The following VGLL4 variants were observed in gnomAD, a reference collection of about 807,000 sequenced individuals.
VGLL4 encodes the protein vestigial like family member 4.
VGLL4 carries 7 observed loss-of-function variants against 21.0 expected under a neutral mutation model. The observed-to-expected ratio is 0.33, with a 90% CI of 0.19 to 0.63. The LOEUF is 0.63. VGLL4 is among the 20% of genes least tolerant of loss of function. The probability of loss-of-function intolerance (pLI) is 0.78; values close to 1 mark genes in which losing one functional copy is unlikely to be tolerated. For synonymous variants in VGLL4, 222 were observed against 173.2 expected (o/e 1.28, Z -2.21); for missense variants, 394 against 425.7 (o/e 0.93, Z 0.66).
chr3:11,704,224 T>TA (rs1333485368), intron 1 of VGLL4, among the ~76,000 whole-genome samples: 37 of 149,328 alleles, frequency 2.5e-4, no homozygotes, highest in African/African-American at 9.1e-4. Context: ...CTACTACAAA[T>TA]ACAAAAAAAT....
At chr3:11,714,148 C>T (rs1043685563) in intron 1 of VGLL4, among the ~76,000 whole-genome samples, 41 of 152,266 alleles carry the variant, frequency 2.7e-4, no homozygotes, top group African/African-American at 7.2e-4. Flanking sequence ...TCTATACAGG[C>T]TCTGGGCTGC....
chr3:11,704,400 A>G (rs1408672931), intron 1 of VGLL4, among the ~76,000 whole-genome samples: 1,507 of 148,102 alleles, frequency 0.01, 31 homozygotes, highest in African/African-American at 0.03. Flanking sequence ...AAAAAAAAAA[A>G]AAAAAGAAAA....
chr3:11,710,272 A>G (rs1416512096), intron 1 of VGLL4, among the ~76,000 whole-genome samples: 1 of 152,232 alleles, frequency 6.6e-6, no homozygotes, highest in Non-Finnish European at 1.5e-5. Flanking sequence ...ACTTGGGAAC[A>G]GCACTGTGGG....
Position 11,558,392 on chromosome 3 carries a change from A to C in VGLL4, c.*164T>G. 5.1e-6 allele frequency: 6 copies of C among 1,181,696 alleles called. No homozygotes were observed. Among genetic ancestry groups the C allele is most frequent in the Non-Finnish European group, 6.9e-6 (6 of 867,840 alleles). 73.2% of individuals were successfully genotyped at this position (1,181,696 alleles called of 1,614,324 possible). A position where few individuals can be genotyped will look rare whatever the true frequency, so the allele number is the denominator to read the frequency against. ...GGCCCCCTTGTACGGATACCAAGCA[A>C]GTACAAAAACAGAACACAAATCCCA... is the stretch of plus-strand genomic sequence containing the variant. On this transcript the variant is annotated 3_prime_UTR_variant, in exon 5 of 5. Transcript: ENST00000430365.
At chr3:11,674,625 G>T (rs2076264545) in intron 2 of VGLL4, among the ~76,000 whole-genome samples, 1 of 152,144 alleles carries the variant, frequency 6.6e-6, no homozygotes, top group Admixed American at 6.5e-5. Flanking sequence ...CGTGTCCACT[G>T]CAGGATTCTG....
intron 1 of VGLL4, among the ~76,000 whole-genome samples, chr3:11,609,836 AAATGAG>A (rs2075021633): frequency 6.6e-6 from 1 of 152,250 alleles, no homozygotes; most frequent in African/African-American, 2.4e-5. Context: ...GCACAGGGTG[AAATGAG>A]AATGTCTTTA....
chr3:11,593,803 G>A (rs777878181), intron 2 of VGLL4, among the ~76,000 whole-genome samples: 3 of 152,300 alleles, frequency 2.0e-5, no homozygotes, highest in South Asian at 2.1e-4. Flanking sequence ...CACCAGGACC[G>A]TGTTTCAAAG....
chr3:11,651,520 C>T (rs903093117), intron 2 of VGLL4, among the ~76,000 whole-genome samples: 6 of 151,518 alleles, frequency 4.0e-5, no homozygotes, highest in Non-Finnish European at 8.8e-5. Flanking sequence ...GAACCATTAG[C>T]TAGGATTAAT....
chr3:11,608,012 G>A (rs1238231099), intron 1 of VGLL4, among the ~76,000 whole-genome samples: 3 of 152,142 alleles, frequency 2.0e-5, no homozygotes, highest in South Asian at 4.1e-4. Context: ...CACAAGGGTG[G>A]GAGGCAAAAG....
At chr3:11,598,066 C>T (rs1485864978) in intron 2 of VGLL4, among the ~76,000 whole-genome samples, 1 of 152,068 alleles carries the variant, frequency 6.6e-6, no homozygotes, top group Non-Finnish European at 1.5e-5. Context: ...CGCTCTGTTG[C>T]CCAGGCTAGT....
chr3:11,643,976 G>A, upstream of VGLL4: 2 of 990,780 alleles, frequency 2.0e-6, no homozygotes, highest in Middle Eastern at 5.2e-4. Flanking sequence ...CATGCTCACT[G>A]CGCCGCGCTG....
chr3:11,613,006 A>C (rs1269876455), intron 1 of VGLL4, among the ~76,000 whole-genome samples: 8 of 152,058 alleles, frequency 5.3e-5, no homozygotes, highest in Non-Finnish European at 1.2e-4. Flanking sequence ...CTGGGGGCTC[A>C]ATTTCCTCCC....
At chr3:11,559,563 C>A in intron 3 of VGLL4, 108 bp from the exon 4 acceptor site, 2 of 1,392,994 alleles carry the variant, frequency 1.4e-6, no homozygotes, top group East Asian at 2.8e-5. Context: ...CCCTTCCTGA[C>A]CCAGTCTGCC....
chr3:11,567,239 G>A (rs983293717), intron 2 of VGLL4, among the ~76,000 whole-genome samples: 1 of 152,116 alleles, frequency 6.6e-6, no homozygotes. Flanking sequence ...TCTAAATGGG[G>A]GACAAACAGC....
At chr3:11,632,533 TAA>T (rs2075505129) in intron 1 of VGLL4, among the ~76,000 whole-genome samples, 2 of 152,174 alleles carry the variant, frequency 1.3e-5, no homozygotes, top group Admixed American at 1.3e-4. Flanking sequence ...CCCACACTCC[TAA>T]GATTCCAAAG....
chr3:11,691,896 G>T (rs1299467012), intron 2 of VGLL4, among the ~76,000 whole-genome samples: 1 of 151,738 alleles, frequency 6.6e-6, no homozygotes, highest in Non-Finnish European at 1.5e-5. Flanking sequence ...TGACAGCACT[G>T]GAGATGTTCA....
At chr3:11,581,700 G>A (rs1355522520) in intron 2 of VGLL4, among the ~76,000 whole-genome samples, 2 of 152,222 alleles carry the variant, frequency 1.3e-5, no homozygotes, top group Admixed American at 6.5e-5. Flanking sequence ...TTTCCATGGA[G>A]AGAAGTGGTC....
rs145007390 is a variant in VGLL4, at chr3:11,674,605, C to T, written c.64+28366G>A. On this transcript the variant is annotated intron_variant, in intron 2 of 5. Transcript: ENST00000273038. ...CAAACCCAGGCCTGCCACCCTTTTA[C>T]ACCTACACACGTGTCCACTGCAGGA... Among the ~76,000 whole-genome samples, 273 of 152,260 alleles carry T rather than the reference C, an allele frequency of 1.8e-3. 1 individual carries two copies. Among genetic ancestry groups the T allele is most frequent in the African/African-American group, 6.4e-3 (267 of 41,544 alleles).
intron 1 of VGLL4, among the ~76,000 whole-genome samples, chr3:11,613,383 A>C (rs2075099899): frequency 6.6e-6 from 1 of 152,134 alleles, no homozygotes; most frequent in Non-Finnish European, 1.5e-5. Context: ...AGGGGGAAAA[A>C]AGAGACACAG....
Sources: gnomAD v4.1 joint callset for allele counts (sites outside exome capture counted in the v4.1 genomes callset) on GRCh38, gnomAD v4.1.1 for gene constraint, MANE v1.5 for transcripts, NCBI Gene and HGNC (gene_info 2026-07-23, HGNC 2026-07-21) for gene names.